PRDM5: variants seen among roughly 807,000 people sequenced by gnomAD.
The protein encoded by PRDM5 is PR domain zinc finger protein 5.
Under a neutral mutation model 81.2 loss-of-function variants are expected in PRDM5, and 56 were observed. The observed-to-expected ratio is 0.69, with a 90% CI of 0.56 to 0.86. The LOEUF (loss-of-function observed/expected upper bound fraction) is 0.86, where lower values mean the gene tolerates loss of function less well. Ranked by LOEUF, PRDM5 falls within the 40% of genes least tolerant of loss-of-function variation. The probability of loss-of-function intolerance (pLI) is 0.00; values close to 1 mark genes in which losing one functional copy is unlikely to be tolerated. For missense variants in PRDM5, 697 were observed against 770.1 expected (o/e 0.91, Z 1.12); for synonymous variants, 267 against 256.4 (o/e 1.04, Z -0.39).
chr4:120,878,462 T>A (rs1762534750), intron 2 of PRDM5, among the ~76,000 whole-genome samples: 1 of 152,156 alleles, frequency 6.6e-6, no homozygotes, highest in South Asian at 2.1e-4. Context: ...ACTAAAAAAT[T>A]CCTGGAAAAT....
rs370387683 is a variant in PRDM5, at chr4:120,863,191, TACACAC to T, written c.178-9657_178-9652del. On this transcript the variant is annotated intron_variant, in intron 2 of 15. Transcript: ENST00000264808. ...AAAAAAAAAAATATATATATATATA[TACACAC>T]ACACACACACACACACACACACACA... is the stretch of plus-strand genomic sequence containing the variant. Among the ~76,000 whole-genome samples, 54 of 70,322 alleles carry T rather than the reference TACACAC, an allele frequency of 7.7e-4. 1 individual carries two copies. The East Asian group carries it at 0.014, about 18-fold the overall frequency. 46.1% of individuals were successfully genotyped at this position (70,322 alleles called of 152,430 possible). A position where few individuals can be genotyped will look rare whatever the true frequency, so the allele number is the denominator to read the frequency against.
chr4:120,729,623 C>T (rs532638402), intron 14 of PRDM5, among the ~76,000 whole-genome samples: 12 of 152,158 alleles, frequency 7.9e-5, no homozygotes, highest in East Asian at 5.8e-4. Flanking sequence ...TGATTTCCTA[C>T]GATAAAAAGA....
At chr4:120,741,274 A>G (rs755990312) in intron 14 of PRDM5, among the ~76,000 whole-genome samples, 1 of 152,076 alleles carries the variant, frequency 6.6e-6, no homozygotes, top group African/African-American at 2.4e-5. Flanking sequence ...TCCCTTTAGC[A>G]TACAGCAGCC....
chr4:120,815,070 C>T (rs1453488151), intron 7 of PRDM5, among the ~76,000 whole-genome samples: 1 of 152,152 alleles, frequency 6.6e-6, no homozygotes, highest in Non-Finnish European at 1.5e-5. Flanking sequence ...TCCAGAGTTT[C>T]GTATGCATCT....
intron 10 of PRDM5, among the ~76,000 whole-genome samples, chr4:120,790,285 T>A (rs950660780): frequency 6.6e-6 from 1 of 152,198 alleles, no homozygotes; most frequent in African/African-American, 2.4e-5. Context: ...TCCTCTGCAA[T>A]GTAGCTCCTG....
intron 13 of PRDM5, among the ~76,000 whole-genome samples, chr4:120,759,002 A>G (rs1166955586): frequency 6.6e-6 from 1 of 151,738 alleles, no homozygotes; most frequent in African/African-American, 2.4e-5. Context: ...TCATCCACCC[A>G]CCTCAACCAC....
chr4:120,783,152 A>C (rs753931608), intron 11 of PRDM5, among the ~76,000 whole-genome samples: 1 of 152,152 alleles, frequency 6.6e-6, no homozygotes, highest in Non-Finnish European at 1.5e-5. Flanking sequence ...AAAGTTAAAT[A>C]AATGGGTTTT....
In PRDM5 at chr4:120,821,355, A is replaced by G. The variant is rs779470856; in HGVS notation, c.301-10T>C. On this transcript the variant is annotated splice_polypyrimidine_tract_variant and intron_variant, in intron 3 of 15. Transcript: ENST00000264808. ...AAATGTTTTCTCCTTCCTGAAACAA[A>G]TTTTTTTAAATGCTGAACCATTCAT... 2 of 1,609,606 alleles carry G rather than the reference A, an allele frequency of 1.2e-6. No individual in the cohort carries two copies. Among genetic ancestry groups the G allele is most frequent in the East Asian group, 2.2e-5 (1 of 44,854 alleles).
chr4:120,885,478 A>G (rs945759498), intron 2 of PRDM5: 1 of 152,134 alleles, frequency 6.6e-6, no homozygotes, highest in Non-Finnish European at 1.5e-5. Flanking sequence ...GCAATCAACT[A>G]CATCTATCTG....
intron 10 of PRDM5, among the ~76,000 whole-genome samples, chr4:120,791,086 T>C (rs1263695907): frequency 6.6e-6 from 1 of 152,228 alleles, no homozygotes; most frequent in African/African-American, 2.4e-5. Flanking sequence ...AATGGCATTT[T>C]ATACACTGTT....
At chr4:120,799,585 C>CG in intron 9 of PRDM5, 76 bp downstream of exon 9, 2 of 1,561,376 alleles carry the variant, frequency 1.3e-6, no homozygotes, top group Non-Finnish European at 1.7e-6. Flanking sequence ...GATTACCACT[C>CG]TTAGAGTTTA....
At chr4:120,813,351 TG>T (rs1381700648) in intron 7 of PRDM5, among the ~76,000 whole-genome samples, 1 of 152,176 alleles carries the variant, frequency 6.6e-6, no homozygotes, top group Non-Finnish European at 1.5e-5. Flanking sequence ...ATCCATCACC[TG>T]GCCCCAACAA....
chr4:120,799,938 A>G (rs1209236116), intron 8 of PRDM5, among the ~76,000 whole-genome samples, 193 bp from the exon 9 acceptor site: 3 of 152,234 alleles, frequency 2.0e-5, no homozygotes, highest in Non-Finnish European at 4.4e-5. Context: ...GTAGTAAAAA[A>G]TATCTTTTGA....
chr4:120,758,746 C>T (rs1300799076), intron 13 of PRDM5, among the ~76,000 whole-genome samples: 1 of 151,894 alleles, frequency 6.6e-6, no homozygotes, highest in Non-Finnish European at 1.5e-5. Flanking sequence ...AACAAATTAA[C>T]AGTCATCCTA....
At chr4:120,733,029 TACTAGTCTCAACCTACA>T (rs1334112319) in intron 14 of PRDM5, among the ~76,000 whole-genome samples, 1 of 152,208 alleles carries the variant, frequency 6.6e-6, no homozygotes, top group Non-Finnish European at 1.5e-5. Flanking sequence ...GTTATAGTTT[TACTAGTCTCAACCTACA>T]AGACCATTTG....
At chr4:120,809,240 T>C (rs1171992014) in intron 8 of PRDM5, among the ~76,000 whole-genome samples, 2 of 122,180 alleles carry the variant, frequency 1.6e-5, no homozygotes, top group African/African-American at 3.0e-5. Flanking sequence ...CCAGGGCCTG[T>C]CGTGGGGTGA....
At chr4:120,780,605 A>C (rs1040563486) in intron 12 of PRDM5, among the ~76,000 whole-genome samples, 1 of 152,124 alleles carries the variant, frequency 6.6e-6, no homozygotes, top group African/African-American at 2.4e-5. Flanking sequence ...CACACACAAA[A>C]AAATCTCCAA....
At chr4:120,792,758 AAC>A in intron 10 of PRDM5, among the ~76,000 whole-genome samples, 1 of 152,340 alleles carries the variant, frequency 6.6e-6, no homozygotes, top group Middle Eastern at 3.4e-3. Context: ...CATTTTTGGC[AAC>A]ATTAATGAAC....
chr4:120,807,052 C>A (rs1263484169), intron 8 of PRDM5, among the ~76,000 whole-genome samples: 1 of 152,172 alleles, frequency 6.6e-6, no homozygotes, highest in Non-Finnish European at 1.5e-5. Context: ...ACATAACAGA[C>A]ACTTCTCAAA....
Sources: allele counts gnomAD v4.1 joint callset (sites outside exome capture counted in the v4.1 genomes callset), GRCh38; gene constraint gnomAD v4.1.1; transcripts MANE v1.5; gene names NCBI Gene and HGNC (gene_info 2026-07-23, HGNC 2026-07-21).